CFAP47: variants seen among roughly 807,000 people sequenced by gnomAD.
The protein encoded by CFAP47 is cilia and flagella associated protein 47.
Under a neutral mutation model 148.1 loss-of-function variants are expected in CFAP47, and 29 were observed. The observed-to-expected ratio is 0.20, with a 90% CI of 0.15 to 0.27. CFAP47 has a LOEUF of 0.27. Ranked by LOEUF, CFAP47 falls within the 10% of genes least tolerant of loss-of-function variation. CFAP47 has a pLI of 1.00. For synonymous variants in CFAP47, 664 were observed against 577.3 expected (o/e 1.15, Z -2.15); for missense variants, 1,872 against 1,697.5 (o/e 1.10, Z -1.81).
chrX:36,095,126 A>C lies in CFAP47; in HGVS notation c.4917-3667A>C, dbSNP rs370408659. Among the ~76,000 whole-genome samples the C allele has an allele frequency of 7.3e-3, 812 of 111,706 alleles. 8 individuals are homozygous for C. Among genetic ancestry groups the C allele is most frequent in the Middle Eastern group, 0.051 (11 of 217 alleles). On this transcript the variant is annotated intron_variant, in intron 30 of 63. Coordinates refer to ENST00000378653, the MANE Select transcript of CFAP47 (RefSeq NM_001304548.2). ...TCAAATACTTTTTCACTATTGGTTG[A>C]AATTATCATATGATTTTTGTCCTTT...
intron 39 of CFAP47, among the ~76,000 whole-genome samples, chrX:36,176,414 C>T (rs1425811602): frequency 8.9e-6 from 1 of 112,276 alleles, no homozygotes; most frequent in African/African-American, 3.2e-5. Flanking sequence ...TATGTTTTAG[C>T]TTAGGCTCTT....
intron 26 of CFAP47, among the ~76,000 whole-genome samples, chrX:36,060,287 C>T (rs1937583983): frequency 9.0e-6 from 1 of 110,672 alleles, no homozygotes; most frequent in African/African-American, 3.3e-5. Context: ...ACTTTTTGCC[C>T]CAATTCCTTC....
At chrX:36,221,792 T>C (rs1555990820) in intron 45 of CFAP47, among the ~76,000 whole-genome samples, 2 of 111,254 alleles carry the variant, frequency 1.8e-5, no homozygotes, top group African/African-American at 6.5e-5. Context: ...AAATTATTTA[T>C]ACCTGAACAC....
rs1556023698 is a variant in CFAP47 at position 36,379,513 on chromosome X, A to G, written c.9349A>G (p.Ile3117Val). The G allele has an allele frequency of 8.7e-7, 1 of 1,153,102 alleles. No homozygotes were observed. The highest frequency in any genetic ancestry group is 3.3e-5 in the East Asian group (1 of 30,684). Residue 3117 changes from isoleucine to valine, a missense_variant, in exon 63 of 64, where the codon ATA becomes GTA. Physicochemically the swap from Ile to Val is conservative, Grantham distance 29. Transcript: ENST00000378653. ...YCRKYKATLV[I>V]QTEEMYWKYE... Reference sequence around the variant, plus strand: ...TAGGAAATATAAAGCAACATTAGTAATACAGGTGAGTTCTATAAGGGCAAT... The same window carrying G: ...TAGGAAATATAAAGCAACATTAGTAGTACAGGTGAGTTCTATAAGGGCAAT...
chrX:35,953,428 C>G (rs1399850961), intron 6 of CFAP47, among the ~76,000 whole-genome samples, 164 bp from the exon 7 acceptor site: 1 of 112,161 alleles, frequency 8.9e-6, no homozygotes, highest in African/African-American at 3.2e-5. Context: ...TGGCAAATCT[C>G]TCTGGCTGTG....
At chrX:36,244,599 A>G (rs1375743192) in intron 48 of CFAP47, among the ~76,000 whole-genome samples, 1 of 111,974 alleles carries the variant, frequency 8.9e-6, no homozygotes, top group Non-Finnish European at 1.9e-5. Context: ...GACTATTATC[A>G]TCAACTCTAT....
intron 25 of CFAP47, among the ~76,000 whole-genome samples, chrX:36,041,266 C>G (rs1025262088): frequency 9.0e-6 from 1 of 110,556 alleles, no homozygotes; most frequent in African/African-American, 3.3e-5. Flanking sequence ...AGAGAAGGGA[C>G]AGTTAAATAA....
intron 2 of CFAP47, among the ~76,000 whole-genome samples, chrX:35,934,521 G>A (rs1935881470): frequency 9.1e-6 from 1 of 110,372 alleles, no homozygotes; most frequent in South Asian, 4.0e-4. Context: ...CCTGGAATCC[G>A]GGTCCCCAAA....
At chrX:36,294,867 GT>G (rs1439397005) in intron 51 of CFAP47, among the ~76,000 whole-genome samples, 2 of 111,750 alleles carry the variant, frequency 1.8e-5, no homozygotes, top group East Asian at 5.6e-4. Flanking sequence ...CAATACAACT[GT>G]TTTTATATAT....
At chrX:36,117,851 T>C (rs1376661215) in intron 33 of CFAP47, among the ~76,000 whole-genome samples, 2 of 111,955 alleles carry the variant, frequency 1.8e-5, no homozygotes, top group Non-Finnish European at 3.8e-5. Context: ...CTTAAGTTTT[T>C]TTGTAGTAAT....
intron 62 of CFAP47, chrX:36,374,940 T>G: frequency 1.8e-6 from 1 of 556,651 alleles, no homozygotes; most frequent in Non-Finnish European, 3.1e-6. Flanking sequence ...GACCTTTGAG[T>G]TGCACATCAA....
chrX:36,308,435 A>G (rs1348549948), intron 55 of CFAP47, among the ~76,000 whole-genome samples: 1 of 111,443 alleles, frequency 9.0e-6, no homozygotes, highest in East Asian at 2.8e-4. Flanking sequence ...TGCCATATTT[A>G]TCATTGAATC....
At chrX:36,185,069 A>G (rs1482696202) in intron 40 of CFAP47, among the ~76,000 whole-genome samples, 15 of 111,375 alleles carry the variant, frequency 1.3e-4, no homozygotes. Context: ...AAAAAATACT[A>G]TCGATTGAGG....
chrX:36,236,966 G>C (rs1157986996), intron 48 of CFAP47, 107 bp downstream of exon 48: 1 of 410,770 alleles, frequency 2.4e-6, no homozygotes, highest in Non-Finnish European at 4.3e-6. Flanking sequence ...TACTTAATCA[G>C]TTGAAGCAAT....
chrX:36,299,049 A>G lies in CFAP47; in HGVS notation c.7759A>G (p.Ser2587Gly). 8.7e-7 allele frequency: 1 copy of G among 1,146,259 alleles called. No individual in the cohort carries two copies. The highest frequency in any genetic ancestry group is 1.2e-6 in the Non-Finnish European group (1 of 854,907). The allele number at this position is 1,146,259 out of a possible 1,213,427, so 94.5% of individuals were successfully genotyped here. ...TCTTCACTTAGAGGTGCAGTTAACG[A>G]GTGCTGCCCTTAATGGGGATAATGA... ...RGLHLEVQLTSAALNGDNEII... is the reference protein window; with the variant it reads ...RGLHLEVQLTGAALNGDNEII... The change falls in exon 52 of 64, where the codon AGT (serine) becomes GGT (glycine). Residue 2587 changes from serine (S) to glycine (G), a missense_variant. Ser to Gly is a moderately conservative substitution (Grantham distance 56). Coordinates refer to ENST00000378653, the MANE Select transcript of CFAP47 (RefSeq NM_001304548.2).
intron 57 of CFAP47, among the ~76,000 whole-genome samples, chrX:36,345,435 A>G (rs1556016399): frequency 1.8e-5 from 2 of 111,123 alleles, no homozygotes; most frequent in African/African-American, 6.6e-5. Context: ...TGCAGTTCAC[A>G]ACAGGTCTCG....
chrX:36,101,590 A>G (rs763590874), intron 32 of CFAP47, among the ~76,000 whole-genome samples: 1 of 111,919 alleles, frequency 8.9e-6, no homozygotes, highest in African/African-American at 3.2e-5. Flanking sequence ...TGGATTCTCA[A>G]GTAACTTGGA....
At chrX:36,080,404 A>G (rs1056911735) in intron 29 of CFAP47, among the ~76,000 whole-genome samples, 1 of 111,568 alleles carries the variant, frequency 9.0e-6, no homozygotes, top group Non-Finnish European at 1.9e-5. Context: ...TAGAAATACC[A>G]TTTGACCCAG....
intron 61 of CFAP47, among the ~76,000 whole-genome samples, chrX:36,364,220 C>A (rs1273209151): frequency 9.0e-6 from 1 of 110,592 alleles, no homozygotes; most frequent in Non-Finnish European, 1.9e-5. Context: ...TGAAGGGTCC[C>A]ACATTTTGAC....
Sources: allele counts gnomAD v4.1 joint callset (sites outside exome capture counted in the v4.1 genomes callset), GRCh38; gene constraint gnomAD v4.1.1; transcripts MANE v1.5; gene names NCBI Gene and HGNC (gene_info 2026-07-23, HGNC 2026-07-21).